SLC3A2: variants seen among roughly 807,000 people sequenced by gnomAD.
SLC3A2 encodes the protein solute carrier family 3 member 2.
Under a neutral mutation model 48.5 loss-of-function variants are expected in SLC3A2, and 32 were observed. That is an observed-to-expected ratio of 0.66 (90% CI 0.50 to 0.89). SLC3A2 has a LOEUF of 0.89. SLC3A2 is among the 40% of genes least tolerant of loss of function. The pLI is 0.00. For missense variants in SLC3A2, 587 were observed against 680.7 expected, an observed-to-expected ratio of 0.86 and a Z score of 1.53; for synonymous variants, 277 against 288.8, an observed-to-expected ratio of 0.96 and a Z score of 0.41.
intron 1 of SLC3A2, among the ~76,000 whole-genome samples, chr11:62,872,295 C>T (rs2085526143): frequency 6.6e-6 from 1 of 152,186 alleles, no homozygotes; most frequent in African/African-American, 2.4e-5. Context: ...AGGCAGATCA[C>T]TTGAACCCGG....
chr11:62,856,381 G>C, exon 1 of SLC3A2: 2 of 1,604,418 alleles, frequency 1.2e-6, no homozygotes, highest in Non-Finnish European at 1.7e-6. Flanking sequence ...GGACGACTCA[G>C]GTACTGGATC....
chr11:62,873,424 G>A (rs1202869368), intron 1 of SLC3A2, among the ~76,000 whole-genome samples: 1 of 151,744 alleles, frequency 6.6e-6, no homozygotes, highest in African/African-American at 2.4e-5. Flanking sequence ...GGGAGGCAGA[G>A]GTTGCAGTGA....
chr11:62,885,453 C>T lies in SLC3A2; in HGVS notation c.1000-12C>T. 6.2e-7 allele frequency: 1 copy of T among 1,614,154 alleles called. No homozygotes were observed. The highest frequency in any genetic ancestry group is 1.3e-5 in the African/African-American group (1 of 75,050). On this transcript the variant is annotated splice_polypyrimidine_tract_variant and intron_variant, in intron 6 of 8. Transcript: ENST00000338663. ...TGGGTTATGGGGCTCACTGGAGTGT[C>T]TCTCCCTGTAGTTGTCTCAGGCAAG...
Position 62,885,623 on chromosome 11 carries a change from C to G in SLC3A2, c.1143+15C>G, listed in dbSNP as rs1294221160. 6.2e-7 allele frequency: 1 copy of G among 1,613,668 alleles called. No homozygotes were observed. ...TTCCTGGACAGGTACTGCTTGCTGT[C>G]TTTCTGTCACAGGGAGGTTGTTTAT... On this transcript the variant is annotated intron_variant, in intron 7 of 8. Coordinates refer to ENST00000338663, the MANE Select transcript of SLC3A2 (RefSeq NM_001013251.3).
intron 7 of SLC3A2, chr11:62,886,568 G>A (rs2085717171): frequency 6.6e-6 from 1 of 152,056 alleles, no homozygotes; most frequent in Non-Finnish European, 1.5e-5. Flanking sequence ...ACCATAGATA[G>A]GTGCGTGCCA....
At chr11:62,883,141 A>G in intron 3 of SLC3A2, 142 bp downstream of exon 3, 1 of 702,946 alleles carries the variant, frequency 1.4e-6, no homozygotes, top group Non-Finnish European at 2.6e-6. Context: ...CTCCTCCTAT[A>G]GCCAAAGGAT....
upstream of SLC3A2, among the ~76,000 whole-genome samples, chr11:62,879,490 C>T (rs1446519899): frequency 6.6e-6 from 1 of 152,190 alleles, no homozygotes; most frequent in East Asian, 1.9e-4. Flanking sequence ...CACCTTGGAT[C>T]TCTTATTATC....
chr11:62,874,397 A>G (rs2085549633), intron 1 of SLC3A2, among the ~76,000 whole-genome samples: 1 of 152,062 alleles, frequency 6.6e-6, no homozygotes, highest in South Asian at 2.1e-4. Flanking sequence ...ATTTGGTTTC[A>G]TTTGAGAGAA....
chr11:62,859,286 G>C (rs887381604), intron 1 of SLC3A2, among the ~76,000 whole-genome samples: 1 of 152,122 alleles, frequency 6.6e-6, no homozygotes, highest in African/African-American at 2.4e-5. Context: ...AGCACATCTC[G>C]CACCGCCCTT....
intron 7 of SLC3A2, 75 bp from the exon 8 acceptor site, chr11:62,888,060 C>T (rs1193394305): frequency 1.5e-6 from 2 of 1,351,022 alleles, no homozygotes; most frequent in Admixed American, 3.4e-5. Flanking sequence ...ACCTCCCAGA[C>T]TGCTGGAATT....
intron 1 of SLC3A2, among the ~76,000 whole-genome samples, chr11:62,873,026 A>G (rs2085533365): frequency 6.6e-6 from 1 of 152,030 alleles, no homozygotes; most frequent in Non-Finnish European, 1.5e-5. Context: ...ATTATAAAAT[A>G]TATATATATT....
intron 1 of SLC3A2, chr11:62,870,722 A>ATTTTTTT (rs763638531): frequency 6.4e-6 from 1 of 156,240 alleles, no homozygotes; most frequent in African/African-American, 2.6e-5. Context: ...TATTATTATT[A>ATTTTTTT]TTATTTTTTT....
At chr11:62,870,041 C>T (rs966971818) in intron 1 of SLC3A2, among the ~76,000 whole-genome samples, 5 of 152,032 alleles carry the variant, frequency 3.3e-5, no homozygotes, top group African/African-American at 1.2e-4. Context: ...TTGTGATCTG[C>T]CCGCCCTGGT....
rs372797856 is a variant in SLC3A2, at chr11:62,888,608, G to A, written c.1505G>A (p.Arg502His). ...CTCCTGCTCAGCACCCAGCCAGGCCGTGAGGAGGGCTCCCCTCTTGAGCTG... is the reference window on the plus strand; with the variant it reads ...CTCCTGCTCAGCACCCAGCCAGGCCATGAGGAGGGCTCCCCTCTTGAGCTG... ...ADLLLSTQPG[R>H]EEGSPLELER... Residue 502 changes from arginine to histidine, a missense_variant, in exon 9 of 9, where the codon CGT becomes CAT. This residue lies in a region of SLC3A2 where 169 missense variants were observed against 204.4 expected (regional missense o/e 0.83). Coordinates refer to ENST00000338663, the MANE Select transcript of SLC3A2 (RefSeq NM_001013251.3). The A allele has an allele frequency of 4.0e-5, 65 of 1,611,636 alleles. No individual in the cohort carries two copies. In the African/African-American group the frequency reaches 4.5e-4, roughly 11 times the overall value.
chr11:62,886,123 C>T (rs1045629189), intron 7 of SLC3A2, among the ~76,000 whole-genome samples: 7 of 152,188 alleles, frequency 4.6e-5, no homozygotes, highest in African/African-American at 1.4e-4. Context: ...AACCCAGTCT[C>T]TACTAAAAAT....
intron 1 of SLC3A2, among the ~76,000 whole-genome samples, chr11:62,868,777 T>C (rs1213090468): frequency 6.6e-6 from 1 of 152,252 alleles, no homozygotes; most frequent in Non-Finnish European, 1.5e-5. Context: ...TTTAGTCAGA[T>C]GTTTTCATAT....
chr11:62,856,308 G>C, exon 1 of SLC3A2: 1 of 1,613,604 alleles, frequency 6.2e-7, no homozygotes, highest in East Asian at 2.2e-5. Context: ...TCGCCGTCGT[G>C]TCGATTCCGC....
chr11:62,856,174 G>C, exon 1 of SLC3A2: 1 of 962,018 alleles, frequency 1.0e-6, no homozygotes. Context: ...GCCTCACGGC[G>C]ATCCTGGACT....
upstream of SLC3A2, chr11:62,880,805 C>A (rs984463908): frequency 3.1e-6 from 3 of 976,204 alleles, no homozygotes; most frequent in Non-Finnish European, 4.3e-6. Context: ...GAGCCGCCCA[C>A]GGCTGGGGCA....
Sources: gnomAD v4.1 joint callset for allele counts (sites outside exome capture counted in the v4.1 genomes callset) on GRCh38, gnomAD v4.1.1 for gene constraint, gnomAD v4.1.1 regional missense constraint, MANE v1.5 for transcripts, NCBI Gene and HGNC (gene_info 2026-07-23, HGNC 2026-07-21) for gene names.